The following RYR3 variants were observed in gnomAD, a reference collection of about 807,000 sequenced individuals.
The protein encoded by RYR3 is brain ryanodine receptor-calcium release channel.
A neutral mutation model predicts 584.3 loss-of-function variants in RYR3; 207 were observed. The ratio of observed to expected loss-of-function variants is 0.35; its 90% CI spans 0.32 to 0.40. The LOEUF is 0.40. RYR3 is among the 10% of genes least tolerant of loss of function. The pLI is 1.00. For missense variants in RYR3, 5,616 were observed against 6,089.2 expected (o/e 0.92, Z 2.59); for synonymous variants, 2,416 against 2,248.5 (o/e 1.07, Z -2.11).
intron 67 of RYR3, among the ~76,000 whole-genome samples, chr15:33,790,502 C>T (rs74008310): frequency 0.022 from 3,406 of 152,146 alleles, 104 homozygotes; most frequent in African/African-American, 0.069. Flanking sequence ...GGAAGAATGG[C>T]CTTTTTAGCA....
chr15:33,533,348 A>G lies in RYR3; in HGVS notation c.392A>G (p.Asp131Gly), dbSNP rs768108583. 44 of 1,609,102 alleles carry G rather than the reference A, an allele frequency of 2.7e-5. No homozygotes were observed. The highest frequency in any genetic ancestry group is 3.3e-4 in the Middle Eastern group (2 of 6,078). ...TCLTTSRSQTDKLAFDVGLRE... is the reference protein window; with the variant it reads ...TCLTTSRSQTGKLAFDVGLRE... ...TTGACTACATCAAGATCCCAGACAG[A>G]CAAACTTGCCTTTGATGTAGGTCTA... Residue 131 changes from aspartate to glycine, a missense_variant, in exon 5 of 104, where the codon GAC becomes GGC. Around this residue, in one of 9 missense-constraint regions of RYR3, gnomAD observed 1,284 missense variants for 1,344.6 expected, o/e 0.95. Transcript: ENST00000634891.
At chr15:33,790,814 A>G (rs2075109299) in intron 67 of RYR3, among the ~76,000 whole-genome samples, 1 of 152,194 alleles carries the variant, frequency 6.6e-6, no homozygotes, top group Non-Finnish European at 1.5e-5. Flanking sequence ...AAGAAGAGGA[A>G]CAGCAAATGA....
intron 1 of RYR3, among the ~76,000 whole-genome samples, chr15:33,377,861 AT>A (rs2040866457): frequency 1.2e-5 from 1 of 80,604 alleles, no homozygotes; most frequent in Admixed American, 1.1e-4. Flanking sequence ...TGGTGCCATC[AT>A]GGCTCACTCC....
intron 1 of RYR3, among the ~76,000 whole-genome samples, chr15:33,324,390 A>G (rs146677820): frequency 6.8e-4 from 103 of 152,322 alleles, no homozygotes; most frequent in African/African-American, 2.4e-3. Flanking sequence ...AGGAGCACAG[A>G]GTCCAAACAT....
chr15:33,726,326 G>T, intron 45 of RYR3, 60 bp from the exon 46 acceptor site: 1 of 1,596,816 alleles, frequency 6.3e-7, no homozygotes, highest in Non-Finnish European at 8.5e-7. Context: ...TTTGGAGGTG[G>T]GGTGGAGGGA....
At chr15:33,740,247 A>C (rs2069946640) in intron 51 of RYR3, among the ~76,000 whole-genome samples, 1 of 152,152 alleles carries the variant, frequency 6.6e-6, no homozygotes, top group Admixed American at 6.5e-5. Flanking sequence ...GTTCCCACAC[A>C]TAAATATCTC....
Position 33,634,584 on chromosome 15 carries a change from A to C in RYR3, c.3028-2A>C. The C allele has an allele frequency of 6.2e-7, 1 of 1,613,878 alleles. No homozygotes were observed. The highest frequency in any genetic ancestry group is 8.5e-7 in the Non-Finnish European group (1 of 1,179,786). ...GCACCTTTTTTCTCTGGCGTCACAT[A>C]GGATTTGAAGAACAAAAGAAATCCC... On this transcript the variant is annotated splice_acceptor_variant, in intron 24 of 103. Transcript: ENST00000634891. LOFTEE classifies it high-confidence loss of function.
At chr15:33,424,160 T>A (rs1011360824) in intron 1 of RYR3, among the ~76,000 whole-genome samples, 3 of 152,176 alleles carry the variant, frequency 2.0e-5, no homozygotes, top group African/African-American at 7.2e-5. Context: ...GGCATCAGAA[T>A]GAGAACCTGG....
At chr15:33,548,346 T>C (rs2056408584) in intron 9 of RYR3, 142 bp downstream of exon 9, 1 of 582,942 alleles carries the variant, frequency 1.7e-6, no homozygotes, top group African/African-American at 1.9e-5. Flanking sequence ...GATATTTCTG[T>C]GACTTTGTTT....
intron 1 of RYR3, among the ~76,000 whole-genome samples, chr15:33,414,587 C>T (rs1215292046): frequency 1.3e-5 from 2 of 152,140 alleles, no homozygotes; most frequent in Non-Finnish European, 2.9e-5. Context: ...GTCTGAGAGG[C>T]ACCTTGAAGT....
In RYR3 at chr15:33,776,353, A is replaced by G. The variant is rs567574445; in HGVS notation, c.9137+2738A>G. 7.2e-5 allele frequency among the ~76,000 whole-genome samples: 11 copies of G among 152,356 alleles called. No homozygotes were observed. In the South Asian group the frequency reaches 2.3e-3, roughly 32 times the overall value. On this transcript the variant is annotated intron_variant, in intron 64 of 103. Transcript: ENST00000634891. Reference sequence around the variant, plus strand: ...AGAAGGGTAATGGTTTGTGCATTTAATCATGCAGAATACCGAATTATTTAA... The same window carrying G: ...AGAAGGGTAATGGTTTGTGCATTTAGTCATGCAGAATACCGAATTATTTAA...
intron 2 of RYR3, among the ~76,000 whole-genome samples, chr15:33,501,960 G>C (rs1345644956): frequency 6.6e-6 from 1 of 152,112 alleles, no homozygotes; most frequent in Non-Finnish European, 1.5e-5. Context: ...TTAGTTAATG[G>C]TTTTAATAAA....
intron 50 of RYR3, 101 bp downstream of exon 50, chr15:33,738,691 C>T: frequency 7.6e-7 from 1 of 1,320,032 alleles, no homozygotes; most frequent in Non-Finnish European, 1.1e-6. Context: ...TTGCCAGGAC[C>T]TGTGCTAAGT....
At chr15:33,842,607 G>A (rs1055614608) in intron 91 of RYR3, among the ~76,000 whole-genome samples, 1 of 152,226 alleles carries the variant, frequency 6.6e-6, no homozygotes, top group Non-Finnish European at 1.5e-5. Context: ...TACCCAGGCA[G>A]CTTCCACTCC....
chr15:33,739,972 C>G lies in RYR3; in HGVS notation c.7797C>G (p.Asp2599Glu). The change falls in exon 51 of 104, where the codon GAC becomes GAG. Residue 2599 changes from aspartate (D) to glutamate (E), a missense_variant. This residue lies in a region of RYR3 where 1,280 missense variants were observed against 1,426.2 expected (regional missense o/e 0.90). Transcript: ENST00000634891. ...QISVDADGNF[D>E]PKPINTMNFS... ...CAGTGGATGCGGATGGCAACTTTGA[C>G]CCAAAACCTATTAACACCATGAAGT... is the stretch of plus-strand genomic sequence containing the variant. The G allele has an allele frequency of 6.2e-7, 1 of 1,613,878 alleles. No individual in the cohort carries two copies. Among genetic ancestry groups the G allele is most frequent in the South Asian group, 1.1e-5 (1 of 91,056 alleles).
At chr15:33,589,802 T>C (rs2059035534) in intron 16 of RYR3, among the ~76,000 whole-genome samples, 1 of 152,258 alleles carries the variant, frequency 6.6e-6, no homozygotes, top group African/African-American at 2.4e-5. Context: ...AAGTTCTCTA[T>C]TCTGTTCCAT....
chr15:33,499,495 G>T (rs1224182609), intron 2 of RYR3, among the ~76,000 whole-genome samples: 1 of 152,072 alleles, frequency 6.6e-6, no homozygotes, highest in Non-Finnish European at 1.5e-5. Flanking sequence ...CAGGGATTTT[G>T]CCTTATTTTT....
At chr15:33,482,261 G>A (rs980262610) in intron 2 of RYR3, among the ~76,000 whole-genome samples, 1 of 152,040 alleles carries the variant, frequency 6.6e-6, no homozygotes, top group African/African-American at 2.4e-5. Flanking sequence ...TTTGAAGATG[G>A]CATCTTATTG....
At chr15:33,863,445 C>T (rs1889256666) in intron 102 of RYR3, among the ~76,000 whole-genome samples, 1 of 152,068 alleles carries the variant, frequency 6.6e-6, no homozygotes, top group African/African-American at 2.4e-5. Flanking sequence ...GACATAATTT[C>T]TACTTTCTCA....
Sources: gnomAD v4.1 joint callset for allele counts (sites outside exome capture counted in the v4.1 genomes callset) on GRCh38, gnomAD v4.1.1 for gene constraint, gnomAD v4.1.1 regional missense constraint, MANE v1.5 for transcripts, NCBI Gene and HGNC (gene_info 2026-07-23, HGNC 2026-07-21) for gene names.